ABCC1: variants seen among roughly 807,000 people sequenced by gnomAD.
The protein encoded by ABCC1 is ATP binding cassette subfamily C member 1 (ABCC1 blood group).
Under a neutral mutation model 172.9 loss-of-function variants are expected in ABCC1, and 83 were observed. The ratio of observed to expected loss-of-function variants is 0.48; its 90% CI spans 0.40 to 0.58. The LOEUF (loss-of-function observed/expected upper bound fraction) is 0.58. ABCC1 is among the 20% of genes least tolerant of loss of function. The probability of loss-of-function intolerance (pLI) is 0.00; values close to 1 mark genes in which losing one functional copy is unlikely to be tolerated. For missense variants in ABCC1, 1,817 were observed against 2,002.7 expected, an observed-to-expected ratio of 0.91 and a Z score of 1.77; for synonymous variants, 937 against 825.2, an observed-to-expected ratio of 1.14 and a Z score of -2.32.
chr16:15,982,972 C>CG (rs2046661110), intron 1 of ABCC1, among the ~76,000 whole-genome samples: 1 of 151,964 alleles, frequency 6.6e-6, no homozygotes, highest in Non-Finnish European at 1.5e-5. Context: ...GTATTAGATA[C>CG]TATATAGCAT....
chr16:16,071,812 C>A, intron 14 of ABCC1, 83 bp downstream of exon 14: 1 of 1,275,476 alleles, frequency 7.8e-7, no homozygotes, highest in Non-Finnish European at 1.1e-6. Context: ...ATTTCTTTCC[C>A]TTGGCTGCCC....
At chr16:16,003,653 T>G (rs2047404357) in intron 1 of ABCC1, among the ~76,000 whole-genome samples, 1 of 144,140 alleles carries the variant, frequency 6.9e-6, no homozygotes, top group African/African-American at 2.5e-5. Flanking sequence ...GATGGATGGA[T>G]GAACTGGTGG....
rs368526713 is a variant in ABCC1 at position 16,048,219 on chromosome 16, G to C, written c.1296G>C (p.Gln432His). Residue 432 changes from glutamine to histidine, a missense_variant, in exon 10 of 31, where the codon CAG (glutamine) becomes CAC (histidine). Physicochemically the swap from Gln to His is conservative, Grantham distance 24 (BLOSUM62 0). Around this residue, in one of 3 missense-constraint regions of ABCC1, gnomAD observed 1,412 missense variants for 1,600.3 expected, o/e 0.88. Transcript: ENST00000399410. ...TCAACCTCATGTCTGTGGACGCTCA[G>C]AGGTTCATGGACTTGGCCACGTACA... The part of the protein sequence containing the change: ...EIVNLMSVDA[Q>H]RFMDLATYIN... The C allele has an allele frequency of 2.5e-6, 4 of 1,614,100 alleles. No homozygotes were observed. The African/African-American group carries it at 5.3e-5, about 22-fold the overall frequency.
At chr16:16,019,388 G>A (rs1344417054) in intron 5 of ABCC1, among the ~76,000 whole-genome samples, 2 of 152,176 alleles carry the variant, frequency 1.3e-5, no homozygotes, top group Admixed American at 6.5e-5. Context: ...ACAGGTGTGA[G>A]CCACCGTGTC....
chr16:16,072,478 C>T (rs1448718401), intron 14 of ABCC1, among the ~76,000 whole-genome samples: 4 of 108,508 alleles, frequency 3.7e-5, no homozygotes, highest in African/African-American at 1.1e-4. Context: ...AGCCAGTTCT[C>T]CTGGCCTTTT....
chr16:16,075,082 C>T (rs555181963), intron 14 of ABCC1, among the ~76,000 whole-genome samples: 1 of 151,552 alleles, frequency 6.6e-6, no homozygotes, highest in Non-Finnish European at 1.5e-5. Context: ...GTAGCTGGGA[C>T]TACAGGCATG....
intron 1 of ABCC1, among the ~76,000 whole-genome samples, chr16:15,971,164 G>A (rs1382897217): frequency 2.6e-5 from 4 of 152,170 alleles, no homozygotes; most frequent in Non-Finnish European, 4.4e-5. Context: ...ACAGAGGCTG[G>A]AAGAGGCAGT....
chr16:16,016,381 T>G (rs1567316376), intron 4 of ABCC1, 115 bp from the exon 5 acceptor site: 7 of 1,328,186 alleles, frequency 5.3e-6, no homozygotes, highest in Non-Finnish European at 7.3e-6. Flanking sequence ...CTCCAACTCT[T>G]GACCTCAGGT....
chr16:16,131,945 C>CA lies in ABCC1; in HGVS notation c.3966+11dup, dbSNP rs772631474. The CA allele has an allele frequency of 1.2e-6, 2 of 1,612,074 alleles. No individual in the cohort carries two copies. The highest frequency in any genetic ancestry group is 8.5e-7 in the Non-Finnish European group (1 of 1,178,838). ...CAATGGGGGAGAAAAGGTGGGTACA[C>CA]ATCGCCCCATTCCCTCACCCATTCC... On this transcript the variant is annotated intron_variant, in intron 27 of 30. Coordinates refer to ENST00000399410, the MANE Select transcript of ABCC1 (RefSeq NM_004996.4).
intron 1 of ABCC1, among the ~76,000 whole-genome samples, chr16:15,953,195 G>A (rs772608963): frequency 9.2e-5 from 14 of 151,926 alleles, no homozygotes; most frequent in Non-Finnish European, 2.1e-4. Flanking sequence ...AATTAGCTGG[G>A]CCTGGTGATT....
At chr16:16,004,477 A>G (rs1036175558) in intron 1 of ABCC1, among the ~76,000 whole-genome samples, 2 of 152,190 alleles carry the variant, frequency 1.3e-5, no homozygotes, top group East Asian at 3.9e-4. Context: ...CAGTAGTATG[A>G]AATCAATTAA....
intron 23 of ABCC1, 37 bp from the exon 24 acceptor site, chr16:16,121,938 A>G: frequency 6.3e-7 from 1 of 1,588,190 alleles, no homozygotes; most frequent in South Asian, 1.1e-5. Flanking sequence ...GCAGGAGGGA[A>G]CCTTCATCAA....
At chr16:16,033,063 C>A (rs774779107) in intron 5 of ABCC1, 46 bp from the exon 6 acceptor site, 2 of 1,582,046 alleles carry the variant, frequency 1.3e-6, no homozygotes, top group East Asian at 2.3e-5. Context: ...AAAGTCAAAT[C>A]ATTCCTTTCC....
chr16:16,001,250 C>T (rs1027478035), intron 1 of ABCC1, among the ~76,000 whole-genome samples: 2 of 151,944 alleles, frequency 1.3e-5, no homozygotes, highest in African/African-American at 4.8e-5. Context: ...CTCGCTTTGT[C>T]GCCCAGGCTG....
intron 5 of ABCC1, among the ~76,000 whole-genome samples, chr16:16,019,264 C>T (rs1051505362): frequency 2.0e-5 from 3 of 152,002 alleles, no homozygotes; most frequent in Non-Finnish European, 2.9e-5. Context: ...TCACCATGCT[C>T]GACTAATTTT....
chr16:16,093,382 C>G (rs1037069861), intron 19 of ABCC1, among the ~76,000 whole-genome samples: 4 of 152,052 alleles, frequency 2.6e-5, no homozygotes, highest in African/African-American at 9.7e-5. Flanking sequence ...GTTCCGCACC[C>G]CCGCCTTTCT....
At chr16:16,132,761 A>T (rs2045755309) in intron 27 of ABCC1, among the ~76,000 whole-genome samples, 1 of 145,602 alleles carries the variant, frequency 6.9e-6, no homozygotes, top group East Asian at 2.1e-4. Context: ...ACCTCAACTG[A>T]TCCACCCGCC....
chr16:16,138,204 T>A (rs1487490627), intron 29 of ABCC1, among the ~76,000 whole-genome samples, 160 bp from the exon 30 acceptor site: 1 of 152,142 alleles, frequency 6.6e-6, no homozygotes, highest in Non-Finnish European at 1.5e-5. Flanking sequence ...CTCTGATTGA[T>A]TAGTGATGTC....
At chr16:16,061,476 A>G (rs2049908927) in intron 12 of ABCC1, among the ~76,000 whole-genome samples, 1 of 152,182 alleles carries the variant, frequency 6.6e-6, no homozygotes, top group South Asian at 2.1e-4. Context: ...AGTGGTGACA[A>G]TAGAAAATGG....
Sources: gnomAD v4.1 joint callset for allele counts (sites outside exome capture counted in the v4.1 genomes callset) on GRCh38, gnomAD v4.1.1 for gene constraint, gnomAD v4.1.1 regional missense constraint, MANE v1.5 for transcripts, NCBI Gene and HGNC (gene_info 2026-07-23, HGNC 2026-07-21) for gene names.